The following CSMD3 variants were observed in gnomAD, a reference collection of about 807,000 sequenced individuals.
CSMD3 encodes CUB and sushi domain-containing protein 3.
A neutral mutation model predicts 435.2 loss-of-function variants in CSMD3; 177 were observed. The ratio of observed to expected loss-of-function variants is 0.41; its 90% CI spans 0.36 to 0.46. The LOEUF (loss-of-function observed/expected upper bound fraction) is 0.46, where lower values mean the gene tolerates loss of function less well. CSMD3 is among the 20% of genes least tolerant of loss of function. CSMD3 has a pLI of 0.34. For synonymous variants in CSMD3, 1,656 were observed against 1,520.5 expected, an observed-to-expected ratio of 1.09 and a Z score of -2.07; for missense variants, 4,265 against 4,504.6, an observed-to-expected ratio of 0.95 and a Z score of 1.52.
At chr8:113,020,747 G>A (rs1405809098) in intron 5 of CSMD3, among the ~76,000 whole-genome samples, 1 of 152,156 alleles carries the variant, frequency 6.6e-6, no homozygotes, top group African/African-American at 2.4e-5. Flanking sequence ...CTATGTTTGT[G>A]GGGTGGGAGT....
chr8:112,511,534 C>T (rs1164977889), intron 28 of CSMD3, among the ~76,000 whole-genome samples: 3 of 151,752 alleles, frequency 2.0e-5, no homozygotes, highest in African/African-American at 7.3e-5. Flanking sequence ...GGACTACAGG[C>T]GCCTGCCACC....
intron 10 of CSMD3, among the ~76,000 whole-genome samples, chr8:112,870,929 A>G (rs560509813): frequency 6.6e-6 from 1 of 152,270 alleles, no homozygotes; most frequent in East Asian, 1.9e-4. Flanking sequence ...GAGAAAAGGA[A>G]TTGTTTTACT....
At chr8:113,101,844 T>A (rs532754659) in intron 4 of CSMD3, among the ~76,000 whole-genome samples, 2 of 152,206 alleles carry the variant, frequency 1.3e-5, no homozygotes, top group African/African-American at 4.8e-5. Context: ...GGTAAACTTT[T>A]CTTCAGTAAA....
chr8:113,199,347 T>C lies in CSMD3; in HGVS notation c.515-25431A>G, dbSNP rs923463364. Among the ~76,000 whole-genome samples, 11 of 151,762 alleles carry C rather than the reference T, an allele frequency of 7.2e-5. No individual in the cohort carries two copies. In the Admixed American group the frequency reaches 7.3e-4, roughly 10 times the overall value. ...AGTGATATGGTTAACAGACAAAACA[T>C]TGAAACAGCCTTTATTCATCATTGA... On this transcript the variant is annotated intron_variant, in intron 3 of 70. Transcript: ENST00000297405.
chr8:113,398,756 T>A (rs921077007), intron 1 of CSMD3, among the ~76,000 whole-genome samples: 2 of 152,074 alleles, frequency 1.3e-5, no homozygotes, highest in African/African-American at 4.8e-5. Flanking sequence ...ACTTCAGATA[T>A]GTGGGAATAT....
chr8:113,233,140 GTTAA>G (rs1355417911), intron 3 of CSMD3, among the ~76,000 whole-genome samples: 21 of 151,700 alleles, frequency 1.4e-4, no homozygotes, highest in Non-Finnish European at 2.5e-4. Flanking sequence ...AATAAAGTAT[GTTAA>G]TTAATCAATG....
At chr8:112,406,491 A>G (rs1239762332) in intron 35 of CSMD3, 33 bp downstream of exon 35, 2 of 1,441,372 alleles carry the variant, frequency 1.4e-6, no homozygotes, top group Admixed American at 1.7e-5. Context: ...TAAACTATGT[A>G]TAATCACAGA....
chr8:113,142,445 G>C (rs372946914), intron 4 of CSMD3, among the ~76,000 whole-genome samples: 2 of 150,726 alleles, frequency 1.3e-5, no homozygotes, highest in Non-Finnish European at 3.0e-5. Flanking sequence ...GAACAGAGTA[G>C]GGAATCCATC....
chr8:112,851,604 A>G (rs2080489798), intron 11 of CSMD3, among the ~76,000 whole-genome samples: 1 of 152,070 alleles, frequency 6.6e-6, no homozygotes, highest in Non-Finnish European at 1.5e-5. Flanking sequence ...TCTCTACTAA[A>G]AATGCAAAAA....
chr8:112,793,025 T>A (rs1032834609), intron 13 of CSMD3, among the ~76,000 whole-genome samples: 4 of 151,510 alleles, frequency 2.6e-5, no homozygotes, highest in African/African-American at 9.7e-5. Context: ...TTGATGCTAC[T>A]TCTGAAACAC....
intron 6 of CSMD3, among the ~76,000 whole-genome samples, chr8:112,976,431 CA>C (rs1450853632): frequency 6.6e-6 from 1 of 152,016 alleles, no homozygotes; most frequent in Non-Finnish European, 1.5e-5. Context: ...GGCCCTGAAT[CA>C]ATCTTTTAAA....
Position 112,545,498 on chromosome 8 carries a change from A to T in CSMD3, c.4564+5173T>A, listed in dbSNP as rs866345066. Among the ~76,000 whole-genome samples the T allele has an allele frequency of 9.7e-3, 1,363 of 141,104 alleles. 10 individuals are homozygous for T. Among genetic ancestry groups the T allele is most frequent in the African/African-American group, 0.026 (983 of 37,222 alleles). 92.6% of individuals were successfully genotyped at this position (141,104 alleles called of 152,430 possible). A position where few individuals can be genotyped will look rare whatever the true frequency, so the allele number is the denominator to read the frequency against. ...ACTCCATCTCAAAAAAAAAAAAAAA[A>T]AAAAATAATAATAATAATAATAATA... On this transcript the variant is annotated intron_variant, in intron 27 of 70. Transcript: ENST00000297405.
chr8:112,509,418 C>G (rs1822869197), intron 28 of CSMD3, among the ~76,000 whole-genome samples: 1 of 151,992 alleles, frequency 6.6e-6, no homozygotes, highest in Non-Finnish European at 1.5e-5. Context: ...GTCCTTTCTA[C>G]CTCTCATTCT....
rs144891292 is a variant in CSMD3, at chr8:113,423,763, C to G, written c.178+12914G>C. On this transcript the variant is annotated intron_variant, in intron 1 of 70. Coordinates refer to ENST00000297405, the MANE Select transcript of CSMD3 (RefSeq NM_198123.2). ...GTTATGGAGATTGTTGAAAATTCAC[C>G]CTGAAACACTTGGAAGTGCTTTCCT... is the stretch of plus-strand genomic sequence containing the variant. 2.4e-3 allele frequency among the ~76,000 whole-genome samples: 364 copies of G among 151,800 alleles called. 2 individuals carry two copies. The highest frequency in any genetic ancestry group is 8.5e-3 in the African/African-American group (352 of 41,478).
At chr8:112,233,354 A>G (rs1256126931) in intron 68 of CSMD3, among the ~76,000 whole-genome samples, 3 of 152,124 alleles carry the variant, frequency 2.0e-5, no homozygotes, top group African/African-American at 7.2e-5. Context: ...TACTCTGGGT[A>G]TGGCCACCCT....
rs774490854 is a variant in CSMD3, at chr8:112,244,576, A to G, written c.10223-3T>C. 1.7e-5 allele frequency: 28 copies of G among 1,613,128 alleles called. No individual in the cohort carries two copies. Among genetic ancestry groups the G allele is most frequent in the Non-Finnish European group, 2.3e-5 (27 of 1,179,296 alleles). Reference sequence around the variant, plus strand: ...TTCTGGCTGTTTACAGCTGTGGGCTATATTAAGAAAAGAGAACAATGTAAA... The same window carrying G: ...TTCTGGCTGTTTACAGCTGTGGGCTGTATTAAGAAAAGAGAACAATGTAAA... On this transcript the variant is annotated splice_region_variant and splice_polypyrimidine_tract_variant and intron_variant, in intron 64 of 70. Transcript: ENST00000297405.
At chr8:112,420,724 T>C (rs527630421) in intron 32 of CSMD3, among the ~76,000 whole-genome samples, 2 of 152,194 alleles carry the variant, frequency 1.3e-5, no homozygotes, top group Admixed American at 6.5e-5. Flanking sequence ...ATAAGGTTAT[T>C]AAAGAATGTA....
At chr8:112,937,495 T>C (rs1364930392) in intron 9 of CSMD3, among the ~76,000 whole-genome samples, 1 of 151,706 alleles carries the variant, frequency 6.6e-6, no homozygotes, top group East Asian at 2.0e-4. Flanking sequence ...GGATTACAGG[T>C]GCCCACCACC....
intron 6 of CSMD3, among the ~76,000 whole-genome samples, chr8:112,999,613 C>G (rs2085786959): frequency 1.3e-5 from 2 of 151,462 alleles, no homozygotes; most frequent in African/African-American, 4.8e-5. Context: ...TATAATATGA[C>G]AGGCCAAGAA....
Sources: gnomAD v4.1 joint callset for allele counts (sites outside exome capture counted in the v4.1 genomes callset) on GRCh38, gnomAD v4.1.1 for gene constraint, MANE v1.5 for transcripts, NCBI Gene and HGNC (gene_info 2026-07-23, HGNC 2026-07-21) for gene names.